CTSS: variants seen among roughly 807,000 people sequenced by gnomAD.
The protein encoded by CTSS is cathepsin S.
Under a neutral mutation model 39.9 loss-of-function variants are expected in CTSS, and 15 were observed. The observed-to-expected ratio is 0.38, with a 90% confidence interval of 0.25 to 0.58. The LOEUF (loss-of-function observed/expected upper bound fraction) is 0.58, where lower values mean the gene tolerates loss of function less well. CTSS is among the 20% of genes least tolerant of loss of function. The pLI is 0.70. For missense variants in CTSS, 250 were observed against 398.2 expected (o/e 0.63, Z 3.17); for synonymous variants, 126 against 138.2 (o/e 0.91, Z 0.62).
chr1:150,751,724 C>A, intron 5 of CTSS, 57 bp downstream of exon 5: 2 of 1,490,978 alleles, frequency 1.3e-6, no homozygotes, highest in South Asian at 1.1e-5. Flanking sequence ...CCAGCACAGT[C>A]AGTCAGTGGA....
At chr1:150,761,490 G>C (rs1383139462) in intron 2 of CTSS, among the ~76,000 whole-genome samples, 1 of 151,824 alleles carries the variant, frequency 6.6e-6, no homozygotes. Flanking sequence ...CCAGCACTAT[G>C]GGAGGCCGAA....
At chr1:150,737,808 T>C (rs977048068) in intron 7 of CTSS, among the ~76,000 whole-genome samples, 9 of 152,152 alleles carry the variant, frequency 5.9e-5, no homozygotes, top group African/African-American at 2.2e-4. Flanking sequence ...TACAGAGTGT[T>C]AAGAGACAGG....
At chr1:150,738,490 A>ATTTTTTT (rs200199076) in intron 7 of CTSS, among the ~76,000 whole-genome samples, 1 of 138,896 alleles carries the variant, frequency 7.2e-6, no homozygotes, top group Non-Finnish European at 1.6e-5. Flanking sequence ...GTGATCAGTG[A>ATTTTTTT]TTTTTTTTTT....
intron 4 of CTSS, among the ~76,000 whole-genome samples, chr1:150,753,926 G>C (rs1393771113): frequency 6.7e-6 from 1 of 149,844 alleles, no homozygotes; most frequent in Non-Finnish European, 1.5e-5. Flanking sequence ...GGGCAACAGA[G>C]GGAGACCCTG....
At chr1:150,753,235 CACTT>C (rs1653043988) in intron 4 of CTSS, among the ~76,000 whole-genome samples, 1 of 152,166 alleles carries the variant, frequency 6.6e-6, no homozygotes, top group African/African-American at 2.4e-5. Flanking sequence ...TGATTCCTCT[CACTT>C]ACCCTGACCT....
Position 150,747,886 on chromosome 1 carries a change from A to G in CTSS, c.794-7T>C. On this transcript the variant is annotated splice_polypyrimidine_tract_variant and splice_region_variant and intron_variant, in intron 6 of 7. Transcript: ENST00000368985. ...GATGGTTCATAGTAGACACCTGAGA[A>G]TCAAATATGGGTGGGAAAAAAGAGT... The G allele has an allele frequency of 6.3e-7, 1 of 1,575,150 alleles. No homozygotes were observed.
At chr1:150,739,662 TCAACAACAA>T (rs10556231) in intron 7 of CTSS, among the ~76,000 whole-genome samples, 32 of 149,500 alleles carry the variant, frequency 2.1e-4, no homozygotes, top group South Asian at 1.5e-3. Context: ...GAGACCTGTC[TCAACAACAA>T]CAACAACAAC....
chr1:150,734,083 C>A (rs1220712335), intron 7 of CTSS, among the ~76,000 whole-genome samples: 1 of 150,774 alleles, frequency 6.6e-6, no homozygotes, highest in Non-Finnish European at 1.5e-5. Context: ...GACTGGAGTG[C>A]AATGGTGCAA....
intron 7 of CTSS, 70 bp from the exon 8 acceptor site, chr1:150,733,215 A>C: frequency 1.3e-4 from 149 of 1,168,192 alleles, no homozygotes; most frequent in Middle Eastern, 2.0e-4. Context: ...TTTTTATCTC[A>C]TTGTTTTTCT....
chr1:150,762,103 T>C (rs1653279240), intron 2 of CTSS, among the ~76,000 whole-genome samples: 1 of 152,156 alleles, frequency 6.6e-6, no homozygotes, highest in Non-Finnish European at 1.5e-5. Flanking sequence ...GAATAGGATA[T>C]AGAGCCCAGA....
At chr1:150,759,197 A>C (rs1653200993) in intron 2 of CTSS, among the ~76,000 whole-genome samples, 1 of 151,764 alleles carries the variant, frequency 6.6e-6, no homozygotes. Flanking sequence ...TTGATGTTTT[A>C]CAACTTCGTT....
In CTSS at chr1:150,764,817, GA is replaced by G. The variant is rs1653337393; in HGVS notation, c.-1-54del. The G allele has an allele frequency of 8.8e-6, 14 of 1,589,862 alleles. 1 individual carries two copies. The South Asian group carries it at 1.6e-4, about 18-fold the overall frequency. ...TGTTGCTATTAGCTGCATATGTTGTGACCACATGTTTTCATAAGAGAAAATA... is the reference window on the plus strand; with the variant it reads ...TGTTGCTATTAGCTGCATATGTTGTGCCACATGTTTTCATAAGAGAAAATA... On this transcript the variant is annotated intron_variant, in intron 1 of 7. Transcript: ENST00000368985.
intron 6 of CTSS, among the ~76,000 whole-genome samples, chr1:150,749,708 G>A (rs1472978653): frequency 6.6e-6 from 1 of 151,350 alleles, no homozygotes; most frequent in African/African-American, 2.4e-5. Flanking sequence ...GGAGTGCAGT[G>A]GTATGATCAT....
chr1:150,761,330 G>A (rs1254694967), intron 2 of CTSS, among the ~76,000 whole-genome samples: 1 of 152,100 alleles, frequency 6.6e-6, no homozygotes, highest in African/African-American at 2.4e-5. Flanking sequence ...AAGAAATTAG[G>A]AAAACAATTC....
chr1:150,763,753 G>A (rs1379255557), intron 2 of CTSS, among the ~76,000 whole-genome samples: 1 of 151,734 alleles, frequency 6.6e-6, no homozygotes, highest in African/African-American at 2.4e-5. Flanking sequence ...ATCAGCAAGT[G>A]TGCTTTGAAA....
chr1:150,752,517 A>C (rs917764426), intron 4 of CTSS, among the ~76,000 whole-genome samples: 3 of 152,186 alleles, frequency 2.0e-5, no homozygotes, highest in African/African-American at 7.2e-5. Context: ...ATAAACAAAC[A>C]AAAAAAGGCA....
At chr1:150,756,708 C>CTTT (rs72242218) in intron 3 of CTSS, among the ~76,000 whole-genome samples, 9 of 131,164 alleles carry the variant, frequency 6.9e-5, no homozygotes, top group Non-Finnish European at 1.3e-4. Flanking sequence ...TTCTTTCTTT[C>CTTT]TTTTTTTTTT....
At chr1:150,755,465 C>CA (rs1274806220) in intron 3 of CTSS, among the ~76,000 whole-genome samples, 1 of 152,104 alleles carries the variant, frequency 6.6e-6, no homozygotes, top group Non-Finnish European at 1.5e-5. Flanking sequence ...GGGAGCTGGG[C>CA]ATGGTGGCTC....
chr1:150,756,708 CTTTTTTTT>C (rs72242218), intron 3 of CTSS, among the ~76,000 whole-genome samples: 5 of 131,182 alleles, frequency 3.8e-5, no homozygotes, highest in East Asian at 2.2e-4. Context: ...TTCTTTCTTT[CTTTTTTTT>C]TTTTTTTTTT....
Sources: allele counts gnomAD v4.1 joint callset (sites outside exome capture counted in the v4.1 genomes callset), GRCh38; gene constraint gnomAD v4.1.1; transcripts MANE v1.5; gene names NCBI Gene and HGNC (gene_info 2026-07-23, HGNC 2026-07-21).